AKR1A1: variants seen among roughly 807,000 people sequenced by gnomAD.
AKR1A1 encodes HEL-S-165mP.
Under a neutral mutation model 39.2 loss-of-function variants are expected in AKR1A1, and 26 were observed. That is an observed-to-expected ratio of 0.66 (90% confidence interval 0.49 to 0.92). AKR1A1 has a LOEUF of 0.92. AKR1A1 is among the 40% of genes least tolerant of loss of function. AKR1A1 has a pLI of 0.00. For missense variants in AKR1A1, 378 were observed against 406.5 expected (o/e 0.93, Z 0.60); for synonymous variants, 141 against 155.5 (o/e 0.91, Z 0.69).
chr1:45,557,105 G>A lies in AKR1A1; in HGVS notation c.-6-4684G>A, dbSNP rs146084961. Reference sequence around the variant, plus strand: ...CTGGGGAGGCTGAGGCAGGAGAATCGCTTGAACCCAGGAGGTGGAGGTTGC... The same window carrying A: ...CTGGGGAGGCTGAGGCAGGAGAATCACTTGAACCCAGGAGGTGGAGGTTGC... On this transcript the variant is annotated intron_variant, in intron 1 of 8. Transcript: ENST00000351829. Among the ~76,000 whole-genome samples, 460 of 151,774 alleles carry A rather than the reference G, an allele frequency of 3.0e-3. 3 individuals carry two copies. Among genetic ancestry groups the A allele is most frequent in the East Asian group, 0.021 (110 of 5,134 alleles).
chr1:45,554,129 T>C (rs934415464), intron 1 of AKR1A1, among the ~76,000 whole-genome samples: 5 of 151,458 alleles, frequency 3.3e-5, no homozygotes, highest in African/African-American at 1.2e-4. Context: ...ACCCTATCTC[T>C]ACAAAAGAAA....
intron 1 of AKR1A1, among the ~76,000 whole-genome samples, chr1:45,558,349 C>T (rs1644234529): frequency 6.6e-6 from 1 of 151,898 alleles, no homozygotes. Context: ...ATGTCTTGGC[C>T]TCCCAAGTAG....
At chr1:45,552,383 C>T (rs1417310584) in intron 1 of AKR1A1, 2 of 151,790 alleles carry the variant, frequency 1.3e-5, no homozygotes, top group Admixed American at 1.3e-4. Flanking sequence ...CAAGCAGACT[C>T]AGAAAGAAAA....
Position 45,566,612 on chromosome 1 carries a change from A to T in AKR1A1, c.128A>T (p.His43Leu), listed in dbSNP as rs1195815764. 1.9e-6 allele frequency: 3 copies of T among 1,614,274 alleles called. No homozygotes were observed. The highest frequency in any genetic ancestry group is 3.3e-4 in the Middle Eastern group (2 of 6,060). Residue 43 changes from histidine to leucine, a missense_variant, in exon 3 of 9, where the codon CAC (histidine) becomes CTC (leucine). Physicochemically the swap from His to Leu is moderately conservative, Grantham distance 99. Transcript: ENST00000351829. The part of the protein sequence containing the change: ...VKYALSVGYR[H>L]IDCAAIYGNE... ...TATGCCCTTAGCGTAGGCTACCGCC[A>T]CATTGATTGTGCTGCTATCTACGGC...
rs1358574455 is a variant in AKR1A1, at chr1:45,550,943, GCT to G, written c.-216_-215del. 21 of 152,372 alleles carry G rather than the reference GCT, an allele frequency of 1.4e-4. No individual in the cohort carries two copies. The highest frequency in any genetic ancestry group is 4.6e-4 in the African/African-American group (19 of 41,464). The allele number at this position is 152,372 out of a possible 1,614,324, so 9.4% of individuals were successfully genotyped here. On this transcript the variant is annotated 5_prime_UTR_variant, in exon 1 of 9. Coordinates refer to ENST00000351829, the MANE Select transcript of AKR1A1 (RefSeq NM_153326.3). ...GAGGTGGAGACGGTACTACCTCCCA[GCT>G]CTGTTTTCCATCCCCTTCAGGTCCT...
At chr1:45,566,784 C>T (rs1644349608) in intron 3 of AKR1A1, 85 bp from the exon 4 acceptor site, 2 of 1,593,858 alleles carry the variant, frequency 1.3e-6, no homozygotes, top group African/African-American at 1.3e-5. Context: ...CATCAGCTTC[C>T]TTCCAGTTCC....
At position 45,568,146 on chromosome 1, in the gene AKR1A1, G is replaced by C. The variant is rs1304351291; in HGVS notation, c.521G>C (p.Ser174Thr). ...AGTCGGCAGATTGATGACATACTCA[G>C]TGTGGCCTCCGTGCGTCCAGCTGTC... Reference protein sequence around the residue: ...FNSRQIDDILSVASVRPAVLQ... With the variant: ...FNSRQIDDILTVASVRPAVLQ... Residue 174 changes from serine (S) to threonine (T), a missense_variant, in exon 5 of 9, where the codon AGT becomes ACT. Transcript: ENST00000351829. The C allele has an allele frequency of 6.2e-7, 1 of 1,613,922 alleles. No individual in the cohort carries two copies. The highest frequency in any genetic ancestry group is 8.5e-7 in the Non-Finnish European group (1 of 1,179,970).
chr1:45,551,905 C>T (rs141379890), intron 1 of AKR1A1, among the ~76,000 whole-genome samples: 95 of 152,156 alleles, frequency 6.2e-4, no homozygotes, highest in Middle Eastern at 3.4e-3. Context: ...AAATGTCCTT[C>T]CAGCTGGCCA....
intron 1 of AKR1A1, among the ~76,000 whole-genome samples, chr1:45,557,000 G>A (rs1206870805): frequency 6.6e-6 from 1 of 151,924 alleles, no homozygotes; most frequent in East Asian, 1.9e-4. Flanking sequence ...GACCAGCCTG[G>A]CCAACATGGT....
rs560582330 is a variant in AKR1A1 at position 45,550,943 on chromosome 1, G to C, written c.-219G>C. The stretch of plus-strand genomic sequence containing the variant: ...GAGGTGGAGACGGTACTACCTCCCA[G>C]CTCTGTTTTCCATCCCCTTCAGGTC... On this transcript the variant is annotated 5_prime_UTR_variant, in exon 1 of 9. Transcript: ENST00000351829. 7 of 152,490 alleles carry C rather than the reference G, an allele frequency of 4.6e-5. No individual in the cohort carries two copies. The highest frequency in any genetic ancestry group is 1.4e-4 in the African/African-American group (6 of 41,586). The allele number at this position is 152,490 out of a possible 1,614,324, so 9.4% of individuals were successfully genotyped here.
Position 45,568,041 on chromosome 1 carries a change from A to C in AKR1A1, c.416A>C (p.His139Pro). Reference sequence around the variant, plus strand: ...GGGACTATATGCTACGACTCCACCCACTACAAGGAGACTTGGAAGGCTCTG... The same window carrying C: ...GGGACTATATGCTACGACTCCACCCCCTACAAGGAGACTTGGAAGGCTCTG... ...ADGTICYDST[H>P]YKETWKALEA... The change falls in exon 5 of 9, where the codon CAC (histidine) becomes CCC (proline). Residue 139 changes from histidine to proline, a missense_variant. Coordinates refer to ENST00000351829, the MANE Select transcript of AKR1A1 (RefSeq NM_153326.3). 6.2e-7 allele frequency: 1 copy of C among 1,613,980 alleles called. No homozygotes were observed. Among genetic ancestry groups the C allele is most frequent in the Non-Finnish European group, 8.5e-7 (1 of 1,180,004 alleles).
At chr1:45,555,278 G>A (rs184113713) in intron 1 of AKR1A1, among the ~76,000 whole-genome samples, 16 of 152,210 alleles carry the variant, frequency 1.1e-4, no homozygotes, top group East Asian at 5.8e-4. Flanking sequence ...ACCTGAGGTC[G>A]GGAGTTCGAG....
intron 1 of AKR1A1, among the ~76,000 whole-genome samples, chr1:45,559,104 T>C (rs1644245147): frequency 6.6e-6 from 1 of 152,226 alleles, no homozygotes; most frequent in Non-Finnish European, 1.5e-5. Context: ...AAGGTTACCC[T>C]TTTCTTGCCA....
intron 1 of AKR1A1, among the ~76,000 whole-genome samples, chr1:45,551,608 G>A (rs1022433433): frequency 6.6e-6 from 1 of 152,136 alleles, no homozygotes; most frequent in Non-Finnish European, 1.5e-5. Flanking sequence ...TTATTCTGTT[G>A]CCCCAGAACT....
In AKR1A1 at chr1:45,550,859, C is replaced by T. The variant is rs910701754; in HGVS notation, c.-303C>T. The T allele has an allele frequency of 6.6e-6, 1 of 152,452 alleles. No individual in the cohort carries two copies. Among genetic ancestry groups the T allele is most frequent in the African/African-American group, 2.4e-5 (1 of 41,480 alleles). The allele number at this position is 152,452 out of a possible 1,614,324, so 9.4% of individuals were successfully genotyped here. Reference sequence around the variant, plus strand: ...CTGCCTCATTGTGCCCAGGAGTTCTCCAAACCCGCGCTGCGGAGTGAGTGA... The same window carrying T: ...CTGCCTCATTGTGCCCAGGAGTTCTTCAAACCCGCGCTGCGGAGTGAGTGA... On this transcript the variant is annotated 5_prime_UTR_variant, in exon 1 of 9. Transcript: ENST00000351829.
intron 1 of AKR1A1, among the ~76,000 whole-genome samples, chr1:45,557,215 A>G (rs768117384): frequency 2.6e-5 from 4 of 151,956 alleles, no homozygotes; most frequent in Non-Finnish European, 5.9e-5. Flanking sequence ...AAAAAAGATA[A>G]CATGAGGGTT....
At position 45,569,123 on chromosome 1, in the gene AKR1A1, A is replaced by ACC; in HGVS notation, c.826-17_826-16dup. ...CTGCTCACAAAGCTGGCTTTCTTGAACCCCACTCTCCATCCTCAGGTGTTT... is the reference window on the plus strand; with the variant it reads ...CTGCTCACAAAGCTGGCTTTCTTGAACCCCCCACTCTCCATCCTCAGGTGTTT... On this transcript the variant is annotated intron_variant, in intron 7 of 8. Coordinates refer to ENST00000351829, the MANE Select transcript of AKR1A1 (RefSeq NM_153326.3). 2 of 1,612,586 alleles carry ACC rather than the reference A, an allele frequency of 1.2e-6. No homozygotes were observed. Among genetic ancestry groups the ACC allele is most frequent in the Non-Finnish European group, 1.7e-6 (2 of 1,178,888 alleles).
chr1:45,556,750 G>A (rs1200548219), intron 1 of AKR1A1, among the ~76,000 whole-genome samples: 5 of 151,870 alleles, frequency 3.3e-5, no homozygotes, highest in African/African-American at 7.3e-5. Context: ...GGTGGCGGGC[G>A]CCTGTAGTCC....
rs779609207 is a variant in AKR1A1, at chr1:45,566,634, C to T, written c.150C>T (p.Tyr50=). The change falls in exon 3 of 9, where the codon TAC becomes TAT. Residue 50 remains tyrosine, a synonymous_variant. Transcript: ENST00000351829. ...GYRHIDCAAI[Y]GNEPEIGEAL... ...GCCACATTGATTGTGCTGCTATCTA[C>T]GGCAATGAGCCTGAGATTGGGGAGG... 1.7e-5 allele frequency: 28 copies of T among 1,614,100 alleles called. No homozygotes were observed. The highest frequency in any genetic ancestry group is 1.0e-4 in the Admixed American group (6 of 59,998).
Sources: gnomAD v4.1 joint callset for allele counts (sites outside exome capture counted in the v4.1 genomes callset) on GRCh38, gnomAD v4.1.1 for gene constraint, MANE v1.5 for transcripts, NCBI Gene and HGNC (gene_info 2026-07-23, HGNC 2026-07-21) for gene names.